The following MBD5 variants were observed in gnomAD, a reference collection of about 807,000 sequenced individuals.
MBD5 encodes the protein methyl-CpG-binding domain protein 5.
MBD5 carries 13 observed loss-of-function variants against 117.3 expected under a neutral mutation model. The observed-to-expected ratio is 0.11, with a 90% CI of 0.07 to 0.18. The LOEUF is 0.18. MBD5 is among the 10% of genes least tolerant of loss of function. The pLI is 1.00. For synonymous variants in MBD5, 727 were observed against 766.4 expected (o/e 0.95, Z 0.85); for missense variants, 1,879 against 2,093.8 (o/e 0.90, Z 2.00).
chr2:148,270,064 T>C (rs1700948276), intron 3 of MBD5, among the ~76,000 whole-genome samples: 1 of 152,176 alleles, frequency 6.6e-6, no homozygotes, highest in Non-Finnish European at 1.5e-5. Context: ...TTTTTCAAAG[T>C]TATTTTTATA....
At chr2:148,285,796 C>A (rs1379583797) in intron 3 of MBD5, among the ~76,000 whole-genome samples, 3 of 152,076 alleles carry the variant, frequency 2.0e-5, no homozygotes. Flanking sequence ...TGAGCTCAAG[C>A]CATCCACCCA....
chr2:148,382,655 C>T (rs926858990), intron 4 of MBD5, among the ~76,000 whole-genome samples: 2 of 152,188 alleles, frequency 1.3e-5, no homozygotes, highest in Admixed American at 1.3e-4. Context: ...AATATACATT[C>T]TTTTCAGTAC....
chr2:148,266,571 T>C (rs575574123), intron 3 of MBD5, among the ~76,000 whole-genome samples: 12 of 152,122 alleles, frequency 7.9e-5, no homozygotes, highest in African/African-American at 2.6e-4. Context: ...AAAGATTGAC[T>C]AGCAAGACAG....
chr2:148,327,222 G>A (rs1702478393), intron 3 of MBD5, among the ~76,000 whole-genome samples: 1 of 152,006 alleles, frequency 6.6e-6, no homozygotes, highest in Non-Finnish European at 1.5e-5. Context: ...AGTCTTATGG[G>A]CTTCCCTTTG....
chr2:148,488,589 GTGGAAAAAAA>G (rs1681410873), intron 10 of MBD5, among the ~76,000 whole-genome samples: 1 of 145,472 alleles, frequency 6.9e-6, no homozygotes, highest in Non-Finnish European at 1.5e-5. Context: ...AGAGATCATT[GTGGAAAAAAA>G]TCTGAAAGTT....
intron 3 of MBD5, among the ~76,000 whole-genome samples, chr2:148,249,875 G>T (rs1383650877): frequency 6.6e-6 from 1 of 152,126 alleles, no homozygotes; most frequent in Non-Finnish European, 1.5e-5. Flanking sequence ...GGGTTTGACT[G>T]CAGGCCAGGG....
At chr2:148,148,672 A>G (rs984189014) in intron 1 of MBD5, among the ~76,000 whole-genome samples, 24 of 152,108 alleles carry the variant, frequency 1.6e-4, no homozygotes, top group Non-Finnish European at 2.8e-4. Flanking sequence ...CCTTAAATAT[A>G]TGGTATTTCC....
chr2:148,218,686 C>T (rs977935300), intron 2 of MBD5, among the ~76,000 whole-genome samples: 1 of 152,126 alleles, frequency 6.6e-6, no homozygotes, highest in African/African-American at 2.4e-5. Flanking sequence ...GGTTACAAAC[C>T]TGTGCAGCAT....
chr2:148,335,245 G>A (rs1403085970), intron 3 of MBD5, among the ~76,000 whole-genome samples: 2 of 152,068 alleles, frequency 1.3e-5, no homozygotes, highest in African/African-American at 4.8e-5. Flanking sequence ...TCCAGGTGTG[G>A]TGGCACATGC....
intron 2 of MBD5, among the ~76,000 whole-genome samples, chr2:148,200,746 CATT>C (rs1022888057): frequency 4.1e-5 from 6 of 146,746 alleles, no homozygotes. Context: ...AAAAAAAAGA[CATT>C]ATACGTATAC....
rs531387019 is a variant in MBD5, at chr2:148,320,087, T to C, written c.-679-22127T>C. 2.0e-5 allele frequency among the ~76,000 whole-genome samples: 3 copies of C among 152,344 alleles called. No individual in the cohort carries two copies. The East Asian group carries it at 5.8e-4, about 29-fold the overall frequency. On this transcript the variant is annotated intron_variant, in intron 3 of 13. Transcript: ENST00000642680. ...TTGTGTATGTTGAATCATCTTTGCA[T>C]AAATCCTACCTAATCATGGTATGTT...
intron 3 of MBD5, among the ~76,000 whole-genome samples, chr2:148,265,354 G>C (rs183298677): frequency 1.3e-5 from 2 of 152,250 alleles, no homozygotes; most frequent in East Asian, 3.9e-4. Flanking sequence ...GCCAAAGTAG[G>C]ATGATAGTAC....
At position 148,039,038 on chromosome 2, in the gene MBD5, GAT is replaced by G. The variant is rs1277600508; in HGVS notation, c.-925+17356_-925+17357del. ...TACAATGCATATGGCAAAGGAGAAA[GAT>G]AGTGCAGCAGACTACAGACAAAAAT... On this transcript the variant is annotated intron_variant, in intron 1 of 13. Coordinates refer to ENST00000642680, the MANE Select transcript of MBD5 (RefSeq NM_001378120.1). Among the ~76,000 whole-genome samples, 115 of 152,166 alleles carry G rather than the reference GAT, an allele frequency of 7.6e-4. 1 individual carries two copies. The highest frequency in any genetic ancestry group is 2.6e-3 in the African/African-American group (108 of 41,560).
intron 11 of MBD5, among the ~76,000 whole-genome samples, chr2:148,497,786 T>TAA (rs35423029): frequency 2.5e-4 from 31 of 124,380 alleles, no homozygotes; most frequent in Non-Finnish European, 3.9e-4. Context: ...ACCTTGTCTC[T>TAA]AAAAAAAAAA....
At chr2:148,405,137 A>G (rs987237921) in intron 4 of MBD5, among the ~76,000 whole-genome samples, 35 of 152,112 alleles carry the variant, frequency 2.3e-4, no homozygotes, top group African/African-American at 8.2e-4. Flanking sequence ...TTGAGTGTGT[A>G]TAATATTCTA....
chr2:148,495,347 A>G (rs1489617070), intron 11 of MBD5, among the ~76,000 whole-genome samples: 1 of 152,212 alleles, frequency 6.6e-6, no homozygotes, highest in Non-Finnish European at 1.5e-5. Context: ...TATAATTGTC[A>G]TCTGTCATCT....
At chr2:148,220,734 A>G (rs1031835765) in intron 2 of MBD5, among the ~76,000 whole-genome samples, 1 of 152,184 alleles carries the variant, frequency 6.6e-6, no homozygotes, top group Non-Finnish European at 1.5e-5. Context: ...TCAAGCATTT[A>G]TCTTTTCTGT....
chr2:148,021,479 TGTTGC>T lies in MBD5; in HGVS notation c.-1129_-1125del. The T allele has an allele frequency of 3.5e-6, 2 of 576,754 alleles. No homozygotes were observed. Among genetic ancestry groups the T allele is most frequent in the Non-Finnish European group, 6.7e-6 (2 of 299,256 alleles). The allele number at this position is 576,754 out of a possible 1,614,324, so 35.7% of individuals were successfully genotyped here. A position where few individuals can be genotyped will look rare whatever the true frequency, so the allele number is the denominator to read the frequency against. ...CTGCTGCTGTTGCTGCTGCTGCTGC[TGTTGC>T]TGCTGCTGCTGCTACTGCTGCTGCT... On this transcript the variant is annotated 5_prime_UTR_variant, in exon 1 of 14. Coordinates refer to ENST00000642680, the MANE Select transcript of MBD5 (RefSeq NM_001378120.1).
At chr2:148,236,191 G>A (rs527713205) in intron 3 of MBD5, among the ~76,000 whole-genome samples, 1 of 152,152 alleles carries the variant, frequency 6.6e-6, no homozygotes, top group South Asian at 2.1e-4. Flanking sequence ...GATGGCTGTG[G>A]CGATATATTG....
Sources: gnomAD v4.1 joint callset for allele counts (sites outside exome capture counted in the v4.1 genomes callset) on GRCh38, gnomAD v4.1.1 for gene constraint, MANE v1.5 for transcripts, NCBI Gene and HGNC (gene_info 2026-07-23, HGNC 2026-07-21) for gene names.